Variants in PDE4B observed in about 807,000 individuals in gnomAD.
The protein encoded by PDE4B is phosphodiesterase 4B, also known as 3',5'-cyclic-AMP phosphodiesterase 4B.
Under a neutral mutation model 82.2 loss-of-function variants are expected in PDE4B, and 20 were observed. The ratio of observed to expected loss-of-function variants is 0.24; its 90% CI spans 0.17 to 0.35. The LOEUF is 0.35. Among genes scored for constraint, PDE4B ranks in the 10% least tolerant of loss-of-function variants. PDE4B has a pLI of 1.00. For synonymous variants in PDE4B, 320 were observed against 318.9 expected (o/e 1.00, Z -0.04); for missense variants, 655 against 907.2 (o/e 0.72, Z 3.57).
chr1:65,893,429 C>T (rs534401833), intron 1 of PDE4B, among the ~76,000 whole-genome samples: 9 of 151,890 alleles, frequency 5.9e-5, no homozygotes, highest in African/African-American at 9.7e-5. Flanking sequence ...CAATGAGATA[C>T]GTTACTCCTG....
intron 3 of PDE4B, among the ~76,000 whole-genome samples, chr1:66,058,819 C>T (rs1260688802): frequency 6.6e-6 from 1 of 152,226 alleles, no homozygotes; most frequent in Non-Finnish European, 1.5e-5. Flanking sequence ...GAGGGGCTGC[C>T]ATGAAGATCT....
chr1:65,897,903 T>C (rs1646928811), intron 1 of PDE4B, among the ~76,000 whole-genome samples: 1 of 152,154 alleles, frequency 6.6e-6, no homozygotes, highest in Admixed American at 6.6e-5. Context: ...CTTTGAGAAA[T>C]GTCCAAACTG....
intron 3 of PDE4B, among the ~76,000 whole-genome samples, chr1:66,066,369 G>A (rs987099758): frequency 2.0e-5 from 3 of 151,570 alleles, no homozygotes; most frequent in Admixed American, 6.6e-5. Flanking sequence ...TTGCAGATTT[G>A]GTGAGTAGTA....
chr1:65,843,353 G>A (rs184043632), intron 1 of PDE4B, among the ~76,000 whole-genome samples: 2 of 152,226 alleles, frequency 1.3e-5, no homozygotes, highest in East Asian at 3.9e-4. Context: ...ATCATTTGGA[G>A]CCTGGATACT....
intron 1 of PDE4B, among the ~76,000 whole-genome samples, chr1:65,813,603 G>A (rs1205622928): frequency 6.6e-6 from 1 of 152,108 alleles, no homozygotes; most frequent in Admixed American, 6.5e-5. Flanking sequence ...AAAAATGTGT[G>A]CCAGTGTAGT....
chr1:66,101,395 AG>A (rs1170786060), intron 3 of PDE4B, among the ~76,000 whole-genome samples: 12 of 152,156 alleles, frequency 7.9e-5, no homozygotes, highest in Non-Finnish European at 1.8e-4. Context: ...TAGATCCTTG[AG>A]GCATCACCAC....
intron 3 of PDE4B, among the ~76,000 whole-genome samples, chr1:66,128,861 A>C (rs534896886): frequency 1.3e-5 from 2 of 152,156 alleles, no homozygotes; most frequent in Non-Finnish European, 2.9e-5. Context: ...ATCAAATCTC[A>C]TGAGACTTAT....
intron 8 of PDE4B, chr1:66,355,121 GCTT>G (rs1264808553): frequency 2.3e-6 from 1 of 426,732 alleles, no homozygotes; most frequent in Non-Finnish European, 4.1e-6. Flanking sequence ...TTTAAAAGAT[GCTT>G]CTTTTTTTTT....
At chr1:66,033,226 TAA>T (rs1653888020) in intron 3 of PDE4B, among the ~76,000 whole-genome samples, 4 of 152,182 alleles carry the variant, frequency 2.6e-5, no homozygotes, top group Non-Finnish European at 5.9e-5. Context: ...GAAGTCACTT[TAA>T]TCTCAAGACT....
At chr1:66,219,203 G>A (rs1443791312) in intron 3 of PDE4B, among the ~76,000 whole-genome samples, 2 of 152,094 alleles carry the variant, frequency 1.3e-5, no homozygotes, top group African/African-American at 4.8e-5. Context: ...ATGGTGCAGT[G>A]GCGAGGGCAA....
chr1:66,188,272 C>T (rs151337164), intron 3 of PDE4B, among the ~76,000 whole-genome samples: 5 of 147,618 alleles, frequency 3.4e-5, no homozygotes, highest in African/African-American at 7.5e-5. Flanking sequence ...GTCAATTTTG[C>T]AATAGGTGTG....
chr1:66,087,533 C>T (rs2100979967), intron 3 of PDE4B, among the ~76,000 whole-genome samples: 1 of 152,074 alleles, frequency 6.6e-6, no homozygotes, highest in East Asian at 1.9e-4. Context: ...CTTTTGTTGC[C>T]ATTGCTTTTG....
chr1:66,008,133 G>A (rs1652256533), intron 3 of PDE4B, among the ~76,000 whole-genome samples: 1 of 152,092 alleles, frequency 6.6e-6, no homozygotes, highest in South Asian at 2.1e-4. Context: ...ATGGACTCAT[G>A]GGGTTTAATT....
chr1:65,811,966 A>G (rs547752609), intron 1 of PDE4B, among the ~76,000 whole-genome samples: 15 of 152,314 alleles, frequency 9.8e-5, no homozygotes, highest in Admixed American at 4.6e-4. Context: ...AAGCCAAACA[A>G]ACAAACCAAA....
At chr1:66,074,357 A>G (rs1656311527) in intron 3 of PDE4B, among the ~76,000 whole-genome samples, 1 of 152,132 alleles carries the variant, frequency 6.6e-6, no homozygotes, top group Non-Finnish European at 1.5e-5. Flanking sequence ...ATTAAGCACT[A>G]TTTCATTTAT....
chr1:66,149,487 C>G (rs536385589), intron 3 of PDE4B, among the ~76,000 whole-genome samples: 1 of 152,096 alleles, frequency 6.6e-6, no homozygotes, highest in African/African-American at 2.4e-5. Flanking sequence ...TCTTTTGTCA[C>G]TTGTGCTGTT....
chr1:66,367,673 C>T (rs748175051), intron 13 of PDE4B, 23 bp from the exon 14 acceptor site: 1 of 1,577,576 alleles, frequency 6.3e-7, no homozygotes. Flanking sequence ...TTAATTAAGT[C>T]ATCATTTGGT....
intron 3 of PDE4B, among the ~76,000 whole-genome samples, chr1:66,019,805 A>T (rs1465694262): frequency 6.6e-6 from 1 of 152,180 alleles, no homozygotes; most frequent in African/African-American, 2.4e-5. Flanking sequence ...TATAGTGCTA[A>T]CCCAAATCTG....
At chr1:66,242,187 C>T (rs1652943876) in intron 3 of PDE4B, among the ~76,000 whole-genome samples, 1 of 152,050 alleles carries the variant, frequency 6.6e-6, no homozygotes, top group Non-Finnish European at 1.5e-5. Context: ...AGAGGTCACA[C>T]CTTAGCAGTT....
Sources: gnomAD v4.1 joint callset for allele counts (sites outside exome capture counted in the v4.1 genomes callset) on GRCh38, gnomAD v4.1.1 for gene constraint, MANE v1.5 for transcripts, NCBI Gene and HGNC (gene_info 2026-07-23, HGNC 2026-07-21) for gene names.